The following AATF variants were observed in gnomAD, a reference collection of about 807,000 sequenced individuals.
AATF encodes the protein apoptosis antagonizing transcription factor, also known as protein AATF.
A neutral mutation model predicts 63.7 loss-of-function variants in AATF; 48 were observed. The observed-to-expected ratio is 0.75, with a 90% CI of 0.60 to 0.96. The LOEUF (loss-of-function observed/expected upper bound fraction) is 0.96. Among genes scored for constraint, AATF ranks in the 40% least tolerant of loss-of-function variants. The probability of loss-of-function intolerance (pLI) is 0.00; values close to 1 mark genes in which losing one functional copy is unlikely to be tolerated. For synonymous variants in AATF, 258 were observed against 247.7 expected (o/e 1.04, Z -0.39); for missense variants, 639 against 685.7 (o/e 0.93, Z 0.76).
intron 8 of AATF, among the ~76,000 whole-genome samples, chr17:37,004,028 C>G (rs981078086): frequency 6.6e-6 from 1 of 150,946 alleles, no homozygotes; most frequent in African/African-American, 2.4e-5. Flanking sequence ...TCGCTTGAAC[C>G]CAGGAGGTAG....
chr17:37,002,762 T>C (rs182744929), intron 8 of AATF, among the ~76,000 whole-genome samples: 163 of 152,036 alleles, frequency 1.1e-3, no homozygotes, highest in Admixed American at 4.3e-3. Flanking sequence ...ATTATAAATA[T>C]TGCTGAAAGA....
intron 8 of AATF, among the ~76,000 whole-genome samples, chr17:36,991,461 A>G (rs1010480799): frequency 6.6e-6 from 1 of 152,124 alleles, no homozygotes; most frequent in Non-Finnish European, 1.5e-5. Flanking sequence ...TTTCCCTGAC[A>G]TTACTCTCTG....
Position 36,989,302 on chromosome 17 carries a change from A to C in AATF, c.1205A>C (p.Asp402Ala). ...ILTQIDHILM[D>A]KERLLRRTQT... ...ACTCAGATCGACCATATTCTGATGGACAAAGAGAGATTACTTCGAAGGACA... is the reference window on the plus strand; with the variant it reads ...ACTCAGATCGACCATATTCTGATGGCCAAAGAGAGATTACTTCGAAGGACA... The change falls in exon 7 of 12, where the codon GAC (aspartate) becomes GCC (alanine). Residue 402 changes from aspartate to alanine, a missense_variant. Physicochemically the swap from Asp to Ala is moderately radical, Grantham distance 126. Transcript: ENST00000619387. 6.2e-7 allele frequency: 1 copy of C among 1,614,054 alleles called. No individual in the cohort carries two copies. Among genetic ancestry groups the C allele is most frequent in the Non-Finnish European group, 8.5e-7 (1 of 1,180,000 alleles).
chr17:36,951,439 C>CA (rs923368051), intron 2 of AATF, among the ~76,000 whole-genome samples: 37 of 147,664 alleles, frequency 2.5e-4, no homozygotes, highest in African/African-American at 6.0e-4. Context: ...AGTAAGTCCT[C>CA]AAAAAAAAAA....
intron 11 of AATF, among the ~76,000 whole-genome samples, chr17:37,037,452 C>G (rs2071602794): frequency 6.6e-6 from 1 of 152,162 alleles, no homozygotes; most frequent in Non-Finnish European, 1.5e-5. Context: ...AAGAGCGGGT[C>G]AGTACTTTAC....
chr17:36,990,526 A>G (rs932909792), intron 7 of AATF, among the ~76,000 whole-genome samples: 1 of 152,084 alleles, frequency 6.6e-6, no homozygotes, highest in Non-Finnish European at 1.5e-5. Context: ...TCTAATTCTA[A>G]TTTACACATA....
At chr17:37,013,642 G>A (rs1316068166) in intron 8 of AATF, among the ~76,000 whole-genome samples, 1 of 152,126 alleles carries the variant, frequency 6.6e-6, no homozygotes, top group Non-Finnish European at 1.5e-5. Flanking sequence ...CTATGCATGA[G>A]GGATCTACCT....
rs751434924 is a variant in AATF, at chr17:37,003,969, G to C, written c.1398+13112G>C. 4.7e-4 allele frequency among the ~76,000 whole-genome samples: 72 copies of C among 152,058 alleles called. 2 individuals carry two copies. The highest frequency in any genetic ancestry group is 1.2e-4 in the Non-Finnish European group (8 of 68,010). On this transcript the variant is annotated intron_variant, in intron 8 of 11. Transcript: ENST00000619387. ...AAATACAAAAAATTAGCAGGGCATGGTGGCATGTGCCTCTACTCCCAGCTG... is the reference window on the plus strand; with the variant it reads ...AAATACAAAAAATTAGCAGGGCATGCTGGCATGTGCCTCTACTCCCAGCTG...
At chr17:37,019,198 G>A in intron 9 of AATF, 126 bp downstream of exon 9, 1 of 759,418 alleles carries the variant, frequency 1.3e-6, no homozygotes, top group Non-Finnish European at 2.2e-6. Context: ...GCAAGTAAGA[G>A]CTAGAAAGAA....
chr17:36,967,155 C>T (rs1452512782), intron 4 of AATF, among the ~76,000 whole-genome samples: 2 of 152,054 alleles, frequency 1.3e-5, no homozygotes, highest in Non-Finnish European at 2.9e-5. Flanking sequence ...GTTGACTCCC[C>T]TTTATAAAAA....
At chr17:36,952,723 G>A (rs1476208377) in intron 2 of AATF, among the ~76,000 whole-genome samples, 163 bp from the exon 3 acceptor site, 3 of 152,126 alleles carry the variant, frequency 2.0e-5, no homozygotes, top group African/African-American at 7.2e-5. Context: ...TTCTCCCTTA[G>A]CATTTTGGAG....
intron 11 of AATF, among the ~76,000 whole-genome samples, chr17:37,036,400 A>G (rs536224989): frequency 1.6e-4 from 24 of 152,112 alleles, no homozygotes; most frequent in African/African-American, 5.5e-4. Context: ...TCATTAAGGG[A>G]GAGAGAGAGA....
In AATF at chr17:37,022,079, T is replaced by C. The variant is rs1167141397; in HGVS notation, c.1547+1065T>C. The stretch of plus-strand genomic sequence containing the variant: ...ATAAAAGAAGGAGCAAGAGTGGAAA[T>C]TGACCTCGCTATACTTTTAGACTTG... On this transcript the variant is annotated intron_variant, in intron 10 of 11. Transcript: ENST00000619387. 2.0e-5 allele frequency among the ~76,000 whole-genome samples: 3 copies of C among 151,944 alleles called. No individual in the cohort carries two copies. The East Asian group carries it at 5.8e-4, about 29-fold the overall frequency.
At chr17:37,041,600 G>A (rs2071640724) in intron 11 of AATF, among the ~76,000 whole-genome samples, 1 of 152,088 alleles carries the variant, frequency 6.6e-6, no homozygotes, top group Non-Finnish European at 1.5e-5. Context: ...CCGCCTCCCG[G>A]GTTCAAGTGA....
chr17:37,040,718 G>A lies in AATF; in HGVS notation c.1619+9033G>A, dbSNP rs576712890. On this transcript the variant is annotated intron_variant, in intron 11 of 11. Coordinates refer to ENST00000619387, the MANE Select transcript of AATF (RefSeq NM_012138.4). ...GCTACTCTTTCAAAAACTTATTTGG[G>A]GGGGGGAACTTCTTTAGATTAAAAT... 1.0e-4 allele frequency among the ~76,000 whole-genome samples: 15 copies of A among 145,204 alleles called. No individual in the cohort carries two copies. The South Asian group carries it at 2.1e-3, about 21-fold the overall frequency.
At chr17:36,979,127 T>C (rs1276868407) in intron 4 of AATF, among the ~76,000 whole-genome samples, 1 of 152,136 alleles carries the variant, frequency 6.6e-6, no homozygotes, top group Non-Finnish European at 1.5e-5. Flanking sequence ...TACGACTGAC[T>C]GGCTCTCCTC....
At chr17:36,963,995 A>C (rs1243391321) in intron 4 of AATF, among the ~76,000 whole-genome samples, 1 of 152,118 alleles carries the variant, frequency 6.6e-6, no homozygotes, top group African/African-American at 2.4e-5. Context: ...TGGGCAACAC[A>C]GTGAGACCCT....
intron 10 of AATF, among the ~76,000 whole-genome samples, chr17:37,030,557 G>A (rs2071544577): frequency 6.6e-6 from 1 of 152,048 alleles, no homozygotes; most frequent in South Asian, 2.1e-4. Flanking sequence ...ATTTTCTAGA[G>A]CATCTCAAAC....
intron 11 of AATF, among the ~76,000 whole-genome samples, chr17:37,047,887 GTT>G (rs769210034): frequency 2.6e-5 from 4 of 152,208 alleles, no homozygotes; most frequent in Non-Finnish European, 5.9e-5. Context: ...CTTGTGAAGA[GTT>G]TCAGCTAGTG....
Sources: gnomAD v4.1 joint callset for allele counts (sites outside exome capture counted in the v4.1 genomes callset) on GRCh38, gnomAD v4.1.1 for gene constraint, MANE v1.5 for transcripts, NCBI Gene and HGNC (gene_info 2026-07-23, HGNC 2026-07-21) for gene names.